ZNF140: variants seen among roughly 807,000 people sequenced by gnomAD.
ZNF140 encodes the protein zinc finger protein 140.
In ZNF140, 13 loss-of-function variants were observed where a neutral mutation model predicts 12.9. The ratio of observed to expected loss-of-function variants is 1.01; its 90% CI spans 0.66 to 1.60. ZNF140 has a LOEUF of 1.60. Among genes scored for constraint, ZNF140 ranks in the 40% most tolerant of loss-of-function variants. The pLI, the probability that ZNF140 is intolerant of heterozygous loss-of-function variation, is 0.00. For missense variants in ZNF140, 531 were observed against 548.8 expected (o/e 0.97, Z 0.32); for synonymous variants, 214 against 186.7 (o/e 1.15, Z -1.19).
intron 4 of ZNF140, among the ~76,000 whole-genome samples, chr12:133,091,592 G>A (rs1038325261): frequency 7.3e-5 from 11 of 150,136 alleles, no homozygotes; most frequent in Non-Finnish European, 1.2e-4. Flanking sequence ...ATCATGACCC[G>A]TTCTCGCTGG....
intron 4 of ZNF140, among the ~76,000 whole-genome samples, chr12:133,095,997 A>G (rs375400476): frequency 2.3e-4 from 35 of 151,124 alleles, no homozygotes; most frequent in African/African-American, 6.6e-4. Flanking sequence ...CTCTATCTCA[A>G]CTGCAAGAGG....
chr12:133,081,212 T>C, intron 1 of ZNF140, 61 bp from the exon 2 acceptor site: 1 of 814,640 alleles, frequency 1.2e-6, no homozygotes, highest in Non-Finnish European at 2.0e-6. Flanking sequence ...TGCGGGAATC[T>C]AGTGACTTGG....
At chr12:133,084,204 A>G (rs1297764406) in intron 4 of ZNF140, 1 of 425,418 alleles carries the variant, frequency 2.4e-6, no homozygotes, top group African/African-American at 2.1e-5. Flanking sequence ...TCAAATGGAC[A>G]TACATTTCTA....
intron 4 of ZNF140, among the ~76,000 whole-genome samples, chr12:133,097,030 G>C (rs1955154202): frequency 6.6e-6 from 1 of 152,158 alleles, no homozygotes; most frequent in South Asian, 2.1e-4. Context: ...TATTTTGATG[G>C]TTTGTTGTTA....
In ZNF140 at chr12:133,089,447, C is replaced by T. The variant is rs1362219905; in HGVS notation, c.232+5886C>T. Among the ~76,000 whole-genome samples the T allele has an allele frequency of 1.2e-4, 18 of 152,240 alleles. 1 individual carries two copies. The highest frequency in any genetic ancestry group is 1.1e-3 in the Admixed American group (17 of 15,292). On this transcript the variant is annotated intron_variant, in intron 4 of 4. Coordinates refer to ENST00000355557, the MANE Select transcript of ZNF140 (RefSeq NM_003440.4). ...CAGGCTAGTCTTGAATTCCTAGGTTCAAGCAATCTGCCCACCTTGGCCTCC... is the reference window on the plus strand; with the variant it reads ...CAGGCTAGTCTTGAATTCCTAGGTTTAAGCAATCTGCCCACCTTGGCCTCC...
intron 4 of ZNF140, among the ~76,000 whole-genome samples, chr12:133,093,236 A>G (rs1954952736): frequency 6.6e-6 from 1 of 151,230 alleles, no homozygotes; most frequent in Admixed American, 6.6e-5. Context: ...GTATACTTCA[A>G]TAGGATTATC....
Position 133,095,394 on chromosome 12 carries a change from C to A in ZNF140, c.233-10116C>A, listed in dbSNP as rs989124368. Among the ~76,000 whole-genome samples, 9 of 150,972 alleles carry A rather than the reference C, an allele frequency of 6.0e-5. 1 individual carries two copies. The East Asian group carries it at 1.4e-3, about 23-fold the overall frequency. The stretch of plus-strand genomic sequence containing the variant: ...GCTGACTGTGGATGTACTTGGGAAT[C>A]TCTCGTCGGCTGTCCTCAATGCTCA... On this transcript the variant is annotated intron_variant, in intron 4 of 4. Transcript: ENST00000355557.
Position 133,083,234 on chromosome 12 carries a change from GTATTCT to G in ZNF140, c.136+7_136+12del. The G allele has an allele frequency of 6.2e-7, 1 of 1,605,364 alleles. No homozygotes were observed. The stretch of plus-strand genomic sequence containing the variant: ...ATGGCCATCTGGTCTCACTGGGTAA[GTATTCT>G]TCTTCATCTCCCTCAAGGCAAAATT... On this transcript the variant is annotated splice_donor_region_variant and intron_variant, in intron 3 of 4. Transcript: ENST00000355557.
At chr12:133,081,565 A>G in intron 2 of ZNF140, 2 of 454,376 alleles carry the variant, frequency 4.4e-6, no homozygotes, top group Admixed American at 4.7e-5. Context: ...TCCTACAACC[A>G]CCTGCCTGGC....
intron 2 of ZNF140, chr12:133,082,578 T>C (rs1954539309): frequency 6.5e-6 from 1 of 154,620 alleles, no homozygotes; most frequent in African/African-American, 2.4e-5. Flanking sequence ...TTATCCTCCT[T>C]GTTCTGTGAC....
intron 4 of ZNF140, among the ~76,000 whole-genome samples, chr12:133,087,759 TC>T (rs1235755351): frequency 2.6e-5 from 4 of 152,206 alleles, no homozygotes; most frequent in African/African-American, 9.7e-5. Flanking sequence ...TAAGCAACTT[TC>T]CCCAGTTTCT....
chr12:133,082,466 AG>A (rs1362163127), intron 2 of ZNF140: 14 of 152,524 alleles, frequency 9.2e-5, no homozygotes, highest in African/African-American at 3.4e-4. Flanking sequence ...CTGCAAAGCA[AG>A]GGCTTATATA....
Position 133,090,886 on chromosome 12 carries a change from C to T in ZNF140, c.232+7325C>T, listed in dbSNP as rs901440276. Among the ~76,000 whole-genome samples the T allele has an allele frequency of 3.6e-5, 5 of 139,682 alleles. No individual in the cohort carries two copies. The South Asian group carries it at 7.0e-4, about 20-fold the overall frequency. 91.6% of individuals were successfully genotyped at this position (139,682 alleles called of 152,430 possible). A position where few individuals can be genotyped will look rare whatever the true frequency, so the allele number is the denominator to read the frequency against. Reference sequence around the variant, plus strand: ...ATCCAGATTTATGTTTCTCTCCACCCAAACATCTCAGCGGAGTAAAGAATA... The same window carrying T: ...ATCCAGATTTATGTTTCTCTCCACCTAAACATCTCAGCGGAGTAAAGAATA... On this transcript the variant is annotated intron_variant, in intron 4 of 4. Coordinates refer to ENST00000355557, the MANE Select transcript of ZNF140 (RefSeq NM_003440.4).
At chr12:133,095,461 C>T (rs368042168) in intron 4 of ZNF140, among the ~76,000 whole-genome samples, 21 of 149,620 alleles carry the variant, frequency 1.4e-4, no homozygotes, top group East Asian at 2.0e-4. Flanking sequence ...GCCCCCACAT[C>T]GGGCGCCAGA....
At chr12:133,087,578 A>G (rs982991666) in intron 4 of ZNF140, among the ~76,000 whole-genome samples, 9 of 151,332 alleles carry the variant, frequency 5.9e-5, no homozygotes, top group Non-Finnish European at 1.2e-4. Context: ...ACTAGTTGTT[A>G]TCAATGACTT....
chr12:133,091,014 A>C (rs894656519), intron 4 of ZNF140, among the ~76,000 whole-genome samples: 14 of 148,972 alleles, frequency 9.4e-5, no homozygotes, highest in Admixed American at 1.3e-4. Context: ...ATACCGAGAC[A>C]TTCAGTTCCC....
intron 4 of ZNF140, among the ~76,000 whole-genome samples, chr12:133,091,591 C>G (rs1954894431): frequency 6.6e-6 from 1 of 150,550 alleles, no homozygotes; most frequent in Non-Finnish European, 1.5e-5. Context: ...CATCATGACC[C>G]GTTCTCGCTG....
intron 4 of ZNF140, among the ~76,000 whole-genome samples, chr12:133,095,830 C>T (rs907432549): frequency 1.3e-5 from 2 of 152,016 alleles, no homozygotes; most frequent in Non-Finnish European, 2.9e-5. Context: ...CCAAACATCT[C>T]AGCGGAGTAA....
chr12:133,088,199 T>C (rs1386855238), intron 4 of ZNF140, among the ~76,000 whole-genome samples: 1 of 152,052 alleles, frequency 6.6e-6, no homozygotes, highest in Non-Finnish European at 1.5e-5. Flanking sequence ...TCTTTCTAGA[T>C]TTTTTCCTGC....
Sources: gnomAD v4.1 joint callset for allele counts (sites outside exome capture counted in the v4.1 genomes callset) on GRCh38, gnomAD v4.1.1 for gene constraint, MANE v1.5 for transcripts, NCBI Gene and HGNC (gene_info 2026-07-23, HGNC 2026-07-21) for gene names.